SLC38A1: variants seen among roughly 807,000 people sequenced by gnomAD.
The protein encoded by SLC38A1 is sodium-coupled neutral amino acid symporter 1.
SLC38A1 carries 18 observed loss-of-function variants against 60.3 expected under a neutral mutation model. The ratio of observed to expected loss-of-function variants is 0.30; its 90% CI spans 0.21 to 0.44. The LOEUF (loss-of-function observed/expected upper bound fraction) is 0.44. SLC38A1 is among the 20% of genes least tolerant of loss of function. The pLI is 1.00. For missense variants in SLC38A1, 448 were observed against 587.2 expected, an observed-to-expected ratio of 0.76 and a Z score of 2.45; for synonymous variants, 196 against 212.1, an observed-to-expected ratio of 0.92 and a Z score of 0.66.
At chr12:46,190,013 G>A (rs1427346718) in intron 16 of SLC38A1, among the ~76,000 whole-genome samples, 1 of 152,060 alleles carries the variant, frequency 6.6e-6, no homozygotes, top group African/African-American at 2.4e-5. Flanking sequence ...AGGTATACAT[G>A]TGCCATGTTG....
Position 46,259,624 on chromosome 12 carries a change from G to A in SLC38A1, c.-209+8902C>T, listed in dbSNP as rs925605887. On this transcript the variant is annotated intron_variant, in intron 1 of 16. Coordinates refer to ENST00000398637, the MANE Select transcript of SLC38A1 (RefSeq NM_030674.4). ...TGAAAATCTGGGGCTTTTGGAAGGT[G>A]GGGAATAATAAAAATGGCCTTTGGT... Among the ~76,000 whole-genome samples, 9 of 152,134 alleles carry A rather than the reference G, an allele frequency of 5.9e-5. No individual in the cohort carries two copies. In the East Asian group the frequency reaches 9.6e-4, roughly 16 times the overall value.
At chr12:46,191,830 T>G (rs1300675411) in intron 16 of SLC38A1, among the ~76,000 whole-genome samples, 1 of 152,224 alleles carries the variant, frequency 6.6e-6, no homozygotes, top group Admixed American at 6.5e-5. Flanking sequence ...GATTTTGGGC[T>G]GAGACAATGG....
At chr12:46,216,559 G>T (rs2137498430) in intron 5 of SLC38A1, among the ~76,000 whole-genome samples, 1 of 152,266 alleles carries the variant, frequency 6.6e-6, no homozygotes, top group Middle Eastern at 3.4e-3. Flanking sequence ...AGACACAGAA[G>T]AAGAATCCTG....
At chr12:46,240,548 C>T (rs1401595995) in intron 2 of SLC38A1, among the ~76,000 whole-genome samples, 2 of 152,134 alleles carry the variant, frequency 1.3e-5, no homozygotes, top group Admixed American at 6.5e-5. Flanking sequence ...TGTGTCAGAT[C>T]GCAGAGCACA....
At chr12:46,225,397 G>C (rs1340184562) in intron 5 of SLC38A1, among the ~76,000 whole-genome samples, 1 of 152,188 alleles carries the variant, frequency 6.6e-6, no homozygotes, top group Non-Finnish European at 1.5e-5. Flanking sequence ...TACAATATAT[G>C]TTTCTAGGTG....
At chr12:46,224,378 T>G (rs1940783661) in intron 5 of SLC38A1, among the ~76,000 whole-genome samples, 2 of 152,158 alleles carry the variant, frequency 1.3e-5, no homozygotes, top group Non-Finnish European at 2.9e-5. Flanking sequence ...TCACTGAATC[T>G]AACTGAATTA....
Position 46,201,080 on chromosome 12 carries a change from C to G in SLC38A1, c.1003+18G>C, listed in dbSNP as rs1939636949. Reference sequence around the variant, plus strand: ...GTTTACAAATATTTATATTTATGTACCAGTAGAAATTACTTACCATAGAAT... The same window carrying G: ...GTTTACAAATATTTATATTTATGTAGCAGTAGAAATTACTTACCATAGAAT... On this transcript the variant is annotated intron_variant, in intron 13 of 16. Coordinates refer to ENST00000398637, the MANE Select transcript of SLC38A1 (RefSeq NM_030674.4). 1.4e-6 allele frequency: 2 copies of G among 1,475,496 alleles called. No homozygotes were observed. Among genetic ancestry groups the G allele is most frequent in the African/African-American group, 2.8e-5 (2 of 71,612 alleles). 91.4% of individuals were successfully genotyped at this position (1,475,496 alleles called of 1,614,324 possible). A position where few individuals can be genotyped will look rare whatever the true frequency, so the allele number is the denominator to read the frequency against.
intron 16 of SLC38A1, among the ~76,000 whole-genome samples, chr12:46,191,914 C>T (rs899750998): frequency 6.6e-6 from 1 of 152,130 alleles, no homozygotes; most frequent in Non-Finnish European, 1.5e-5. Flanking sequence ...TAATTGAATA[C>T]CATTTTCATT....
chr12:46,191,072 C>T (rs942324676), intron 16 of SLC38A1, among the ~76,000 whole-genome samples: 3 of 152,070 alleles, frequency 2.0e-5, no homozygotes, highest in African/African-American at 7.2e-5. Flanking sequence ...TTAGGTCTTA[C>T]CTTTAAGTCT....
At chr12:46,219,778 A>T (rs908984380) in intron 5 of SLC38A1, among the ~76,000 whole-genome samples, 6 of 152,222 alleles carry the variant, frequency 3.9e-5, no homozygotes, top group Non-Finnish European at 5.9e-5. Flanking sequence ...GAGGTAAATA[A>T]TGCTGTAAAA....
At chr12:46,260,847 G>A (rs752512791) in intron 1 of SLC38A1, among the ~76,000 whole-genome samples, 5 of 151,874 alleles carry the variant, frequency 3.3e-5, no homozygotes, top group African/African-American at 4.8e-5. Context: ...GTCACTCTCC[G>A]CCACGCTACC....
At chr12:46,211,951 A>G (rs1345374513) in intron 5 of SLC38A1, among the ~76,000 whole-genome samples, 1 of 152,256 alleles carries the variant, frequency 6.6e-6, no homozygotes, top group Non-Finnish European at 1.5e-5. Context: ...CTGTAAAAGT[A>G]AAATTCTAAG....
intron 1 of SLC38A1, among the ~76,000 whole-genome samples, chr12:46,258,910 TC>T (rs1252901117): frequency 1.3e-5 from 2 of 152,190 alleles, no homozygotes; most frequent in East Asian, 3.8e-4. Flanking sequence ...TAACTCAACC[TC>T]CCAAAGTGCT....
At chr12:46,199,524 ATT>A (rs113315443) in intron 13 of SLC38A1, among the ~76,000 whole-genome samples, 55 of 137,754 alleles carry the variant, frequency 4.0e-4, no homozygotes, top group African/African-American at 1.1e-3. Flanking sequence ...TAATTTTTGT[ATT>A]TTTTTTTTTT....
At chr12:46,245,278 T>G (rs1287187866) in intron 1 of SLC38A1, among the ~76,000 whole-genome samples, 1 of 152,216 alleles carries the variant, frequency 6.6e-6, no homozygotes, top group Non-Finnish European at 1.5e-5. Flanking sequence ...ATCAATTATA[T>G]AAGCTAGGTC....
intron 1 of SLC38A1, among the ~76,000 whole-genome samples, chr12:46,256,938 T>C (rs1452265399): frequency 6.6e-6 from 1 of 152,154 alleles, no homozygotes; most frequent in Non-Finnish European, 1.5e-5. Flanking sequence ...ACATGTGGTG[T>C]CTGGGTAAGA....
chr12:46,259,792 C>G (rs1434128657), intron 1 of SLC38A1, among the ~76,000 whole-genome samples: 1 of 152,124 alleles, frequency 6.6e-6, no homozygotes, highest in Non-Finnish European at 1.5e-5. Flanking sequence ...CTCTCTCTGC[C>G]TTCCCTTCTT....
At chr12:46,196,459 A>C (rs1252120615) in intron 16 of SLC38A1, among the ~76,000 whole-genome samples, 1 of 152,192 alleles carries the variant, frequency 6.6e-6, no homozygotes, top group Admixed American at 6.5e-5. Flanking sequence ...CATGGGCAGC[A>C]GGCCTCCACC....
chr12:46,225,944 A>G (rs1031571081), intron 5 of SLC38A1, among the ~76,000 whole-genome samples: 9 of 152,258 alleles, frequency 5.9e-5, no homozygotes, highest in Non-Finnish European at 1.3e-4. Context: ...ATTAAAAAAG[A>G]CTTAAAATAC....
Sources: gnomAD v4.1 joint callset for allele counts (sites outside exome capture counted in the v4.1 genomes callset) on GRCh38, gnomAD v4.1.1 for gene constraint, MANE v1.5 for transcripts, NCBI Gene and HGNC (gene_info 2026-07-23, HGNC 2026-07-21) for gene names.